Variants in CAMK4 observed in about 807,000 individuals in gnomAD.
The protein encoded by CAMK4 is calcium/calmodulin dependent protein kinase IV.
A neutral mutation model predicts 44.9 loss-of-function variants in CAMK4; 22 were observed. The observed-to-expected ratio is 0.49, with a 90% CI of 0.35 to 0.70. CAMK4 has a LOEUF of 0.70. Among genes scored for constraint, CAMK4 ranks in the 30% least tolerant of loss-of-function variants. CAMK4 has a pLI of 0.01. For missense variants in CAMK4, 498 were observed against 586.8 expected (o/e 0.85, Z 1.56); for synonymous variants, 218 against 215.4 (o/e 1.01, Z -0.11).
chr5:111,378,392 A>T (rs918311030), intron 4 of CAMK4, among the ~76,000 whole-genome samples: 3 of 152,068 alleles, frequency 2.0e-5, no homozygotes, highest in Admixed American at 2.0e-4. Context: ...CCCATACTCT[A>T]CCCAGTTAAA....
intron 5 of CAMK4, among the ~76,000 whole-genome samples, chr5:111,438,909 A>G (rs1753735289): frequency 6.6e-6 from 1 of 152,158 alleles, no homozygotes; most frequent in Non-Finnish European, 1.5e-5. Context: ...AAAGAATCTT[A>G]ATTTCTGCCT....
At chr5:111,225,262 A>AC (rs1748130675) in intron 1 of CAMK4, among the ~76,000 whole-genome samples, 1 of 152,042 alleles carries the variant, frequency 6.6e-6, no homozygotes, top group Non-Finnish European at 1.5e-5. Flanking sequence ...ATTAGTGAGA[A>AC]TGCTGCTGCT....
At chr5:111,383,504 G>A (rs1344735312) in intron 4 of CAMK4, among the ~76,000 whole-genome samples, 3 of 152,132 alleles carry the variant, frequency 2.0e-5, no homozygotes, top group African/African-American at 7.2e-5. Flanking sequence ...CACAGCAAAC[G>A]TTATGGGCAT....
chr5:111,469,108 G>C (rs188750434), intron 7 of CAMK4, among the ~76,000 whole-genome samples: 159 of 129,068 alleles, frequency 1.2e-3, no homozygotes, highest in Non-Finnish European at 2.1e-3. Flanking sequence ...CGTGCCATTG[G>C]GCTCTAGTCT....
chr5:111,348,906 T>C (rs1485680273), intron 2 of CAMK4, among the ~76,000 whole-genome samples: 2 of 152,030 alleles, frequency 1.3e-5, no homozygotes. Flanking sequence ...AGTGACTCAC[T>C]GTTATAAATG....
chr5:111,407,619 A>G (rs1265897163), intron 5 of CAMK4, among the ~76,000 whole-genome samples: 2 of 152,150 alleles, frequency 1.3e-5, no homozygotes, highest in African/African-American at 4.8e-5. Flanking sequence ...ACAAACAACA[A>G]CAACAAAAAC....
intron 2 of CAMK4, among the ~76,000 whole-genome samples, chr5:111,344,683 G>T (rs1028669384): frequency 7.2e-5 from 11 of 151,730 alleles, no homozygotes; most frequent in Admixed American, 5.9e-4. Flanking sequence ...GGAAAAAAAG[G>T]AAGGTTTTTG....
intron 1 of CAMK4, chr5:111,277,675 A>G (rs953047340): frequency 6.6e-6 from 1 of 151,716 alleles, no homozygotes; most frequent in Non-Finnish European, 1.5e-5. Flanking sequence ...TGGCCATGAA[A>G]CTCAGTCGTG....
chr5:111,227,749 C>T (rs1454698774), intron 1 of CAMK4, among the ~76,000 whole-genome samples: 8 of 152,144 alleles, frequency 5.3e-5, no homozygotes, highest in South Asian at 2.1e-4. Context: ...ATAGGGGTTA[C>T]GGGTGAATTA....
At chr5:111,398,816 A>G (rs538845425) in intron 5 of CAMK4, among the ~76,000 whole-genome samples, 1 of 152,258 alleles carries the variant, frequency 6.6e-6, no homozygotes, top group Admixed American at 6.5e-5. Flanking sequence ...ATTGTCTGCT[A>G]AAACCTAGAA....
chr5:111,292,252 C>T (rs1044847649), intron 1 of CAMK4, among the ~76,000 whole-genome samples: 2 of 152,198 alleles, frequency 1.3e-5, no homozygotes, highest in African/African-American at 2.4e-5. Context: ...GGTTGGCTTT[C>T]AGCAACATTC....
intron 1 of CAMK4, chr5:111,302,651 G>A (rs1483378328): frequency 3.0e-4 from 7 of 23,292 alleles, no homozygotes; most frequent in Admixed American, 1.6e-3. Flanking sequence ...ACTGCAAGGC[G>A]GCAACGAGGC....
intron 5 of CAMK4, among the ~76,000 whole-genome samples, chr5:111,413,403 C>G (rs1388207135): frequency 6.6e-6 from 1 of 151,792 alleles, no homozygotes; most frequent in Non-Finnish European, 1.5e-5. Flanking sequence ...ATGGTGAAAC[C>G]CTGTCTCTAC....
chr5:111,232,963 C>G (rs1364167182), intron 1 of CAMK4, among the ~76,000 whole-genome samples: 1 of 152,170 alleles, frequency 6.6e-6, no homozygotes, highest in East Asian at 1.9e-4. Flanking sequence ...CAGGCATAGA[C>G]AACATACAGA....
chr5:111,354,906 G>A (rs986254168), intron 2 of CAMK4, among the ~76,000 whole-genome samples: 9 of 151,994 alleles, frequency 5.9e-5, no homozygotes, highest in African/African-American at 1.9e-4. Context: ...CCTAAACTTT[G>A]GAAACATGGA....
chr5:111,275,837 C>T (rs1231681397), intron 1 of CAMK4, among the ~76,000 whole-genome samples: 1 of 151,864 alleles, frequency 6.6e-6, no homozygotes, highest in African/African-American at 2.4e-5. Flanking sequence ...TCCCAATTAC[C>T]CTGACTTCAT....
chr5:111,318,685 T>C (rs1383492684), intron 1 of CAMK4, among the ~76,000 whole-genome samples: 2 of 152,162 alleles, frequency 1.3e-5, no homozygotes, highest in Admixed American at 6.6e-5. Flanking sequence ...ATGTCACTTC[T>C]GGCCTTAATG....
At chr5:111,455,544 A>T (rs1404876395) in intron 7 of CAMK4, among the ~76,000 whole-genome samples, 1 of 152,220 alleles carries the variant, frequency 6.6e-6, no homozygotes, top group African/African-American at 2.4e-5. Flanking sequence ...TCCTTGAATG[A>T]TACCTCCCAA....
chr5:111,373,228 A>G (rs901659056), intron 2 of CAMK4, among the ~76,000 whole-genome samples: 1 of 152,098 alleles, frequency 6.6e-6, no homozygotes, highest in Non-Finnish European at 1.5e-5. Flanking sequence ...CTTTATGGCA[A>G]TTTAATGTTT....
Sources: gnomAD v4.1 joint callset for allele counts (sites outside exome capture counted in the v4.1 genomes callset) on GRCh38, gnomAD v4.1.1 for gene constraint, MANE v1.5 for transcripts, NCBI Gene and HGNC (gene_info 2026-07-23, HGNC 2026-07-21) for gene names.